Variants in TFCP2 observed in about 807,000 individuals in gnomAD.
TFCP2 encodes the protein alpha-globin transcription factor CP2.
In TFCP2, 33 loss-of-function variants were observed where a neutral mutation model predicts 73.4. That is an observed-to-expected ratio of 0.45 (90% CI 0.34 to 0.60). TFCP2 has a LOEUF of 0.60. Ranked by LOEUF, TFCP2 falls within the 20% of genes least tolerant of loss-of-function variation. TFCP2 has a pLI of 0.01. For missense variants in TFCP2, 352 were observed against 604.0 expected, an observed-to-expected ratio of 0.58 and a Z score of 4.37; for synonymous variants, 193 against 211.6, an observed-to-expected ratio of 0.91 and a Z score of 0.76.
At chr12:51,128,498 A>C (rs80016636) in intron 1 of TFCP2, among the ~76,000 whole-genome samples, 20,942 of 148,520 alleles carry the variant, frequency 0.14, 1,420 homozygotes, top group South Asian at 0.23. Flanking sequence ...AAAAACAAAA[A>C]AAACAAACTA....
intron 1 of TFCP2, among the ~76,000 whole-genome samples, chr12:51,168,477 T>G (rs1941796819): frequency 6.6e-6 from 1 of 152,064 alleles, no homozygotes; most frequent in African/African-American, 2.4e-5. Flanking sequence ...ACTGGTGTTT[T>G]GTTTTGGTTT....
rs779782396 is a variant in TFCP2 at position 51,125,152 on chromosome 12, C to T, written c.123-6380G>A. On this transcript the variant is annotated intron_variant, in intron 1 of 14. Transcript: ENST00000257915. ...AAGATGATGCGCAGTGTGATATTGA[C>T]ATTCTGTAAATCTTTGCTACCAGTG... is the stretch of plus-strand genomic sequence containing the variant. 6.9e-6 allele frequency: 5 copies of T among 729,806 alleles called. No homozygotes were observed. The South Asian group carries it at 7.0e-5, about 10-fold the overall frequency. 45.2% of individuals were successfully genotyped at this position (729,806 alleles called of 1,614,324 possible).
chr12:51,162,200 C>A (rs1941664160), intron 1 of TFCP2, among the ~76,000 whole-genome samples: 1 of 152,002 alleles, frequency 6.6e-6, no homozygotes, highest in Non-Finnish European at 1.5e-5. Context: ...AATCCCAGCA[C>A]TTTGGGAGGC....
intron 12 of TFCP2, 96 bp downstream of exon 12, chr12:51,099,559 C>A: frequency 6.9e-7 from 1 of 1,453,950 alleles, no homozygotes; most frequent in Non-Finnish European, 9.5e-7. Flanking sequence ...CTAGCAAATA[C>A]TAAATCTGCT....
chr12:51,168,638 C>A (rs990494375), intron 1 of TFCP2, among the ~76,000 whole-genome samples: 1 of 151,928 alleles, frequency 6.6e-6, no homozygotes, highest in Non-Finnish European at 1.5e-5. Flanking sequence ...GCAGGCACCA[C>A]CATACTCAGC....
chr12:51,102,527 A>C (rs1364408808), intron 10 of TFCP2, among the ~76,000 whole-genome samples: 3 of 151,974 alleles, frequency 2.0e-5, no homozygotes, highest in Non-Finnish European at 2.9e-5. Context: ...GGAGTTCGAG[A>C]CCAGCCTGGC....
intron 1 of TFCP2, among the ~76,000 whole-genome samples, chr12:51,171,672 C>T (rs1303449857): frequency 6.6e-6 from 1 of 152,220 alleles, no homozygotes; most frequent in Non-Finnish European, 1.5e-5. Context: ...GCCACCGCAC[C>T]CGGCCGAAAG....
intron 1 of TFCP2, among the ~76,000 whole-genome samples, chr12:51,145,291 A>C (rs980694112): frequency 6.6e-6 from 1 of 151,394 alleles, no homozygotes; most frequent in Non-Finnish European, 1.5e-5. Context: ...CTGAAGCAGG[A>C]GAATCGCTTG....
intron 3 of TFCP2, among the ~76,000 whole-genome samples, chr12:51,116,774 C>A (rs150991533): frequency 6.6e-6 from 1 of 152,052 alleles, no homozygotes; most frequent in Non-Finnish European, 1.5e-5. Flanking sequence ...TGTGCTACCA[C>A]GCCTGACTAA....
chr12:51,121,543 GC>G (rs1940674172), intron 1 of TFCP2, among the ~76,000 whole-genome samples: 1 of 140,740 alleles, frequency 7.1e-6, no homozygotes, highest in South Asian at 2.5e-4. Flanking sequence ...TCGGCTCACT[GC>G]AACCTCCACC....
chr12:51,164,370 G>A (rs191822285), intron 1 of TFCP2, among the ~76,000 whole-genome samples: 62 of 152,050 alleles, frequency 4.1e-4, no homozygotes, highest in African/African-American at 1.4e-3. Context: ...AGGCCGAGGC[G>A]GGCAGATCAC....
At position 51,148,695 on chromosome 12, in the gene TFCP2, G is replaced by T. The variant is rs1472327846; in HGVS notation, c.122+23606C>A. Among the ~76,000 whole-genome samples, 117 of 66,564 alleles carry T rather than the reference G, an allele frequency of 1.8e-3. 1 individual carries two copies. The highest frequency in any genetic ancestry group is 7.0e-3 in the African/African-American group (104 of 14,944). The allele number at this position is 66,564 out of a possible 152,430, so 43.7% of individuals were successfully genotyped here. On this transcript the variant is annotated intron_variant, in intron 1 of 14. Coordinates refer to ENST00000257915, the MANE Select transcript of TFCP2 (RefSeq NM_005653.5). ...AGCCTAGGCAACAGAGTGAGACTCT[G>T]TCTCAAAAAAAAAAAAAAAAGAAAA...
intron 1 of TFCP2, among the ~76,000 whole-genome samples, chr12:51,149,616 T>C (rs867547364): frequency 2.0e-5 from 3 of 152,180 alleles, no homozygotes; most frequent in Non-Finnish European, 2.9e-5. Flanking sequence ...TTCTTTTTTT[T>C]CGAGATGGAG....
chr12:51,105,947 A>G (rs920462666), intron 8 of TFCP2, among the ~76,000 whole-genome samples: 9 of 152,240 alleles, frequency 5.9e-5, no homozygotes, highest in African/African-American at 2.2e-4. Flanking sequence ...TGGAGTAGGC[A>G]TCTGTACCAA....
At chr12:51,136,934 A>T (rs1036324893) in intron 1 of TFCP2, among the ~76,000 whole-genome samples, 5 of 151,934 alleles carry the variant, frequency 3.3e-5, no homozygotes, top group Non-Finnish European at 5.9e-5. Flanking sequence ...GACAGAGGAG[A>T]CTCTGTCTCA....
At chr12:51,124,423 C>CT (rs746371798) in intron 1 of TFCP2, among the ~76,000 whole-genome samples, 34 of 148,748 alleles carry the variant, frequency 2.3e-4, no homozygotes, top group Admixed American at 4.7e-4. Flanking sequence ...TCTTCTTCTT[C>CT]TTTTTTTTTT....
intron 1 of TFCP2, among the ~76,000 whole-genome samples, chr12:51,136,864 T>C (rs976733574): frequency 6.6e-6 from 1 of 152,138 alleles, no homozygotes; most frequent in Non-Finnish European, 1.5e-5. Flanking sequence ...GAGAATTGCT[T>C]GAACCCAGAA....
At chr12:51,156,289 T>A (rs1030004332) in intron 1 of TFCP2, among the ~76,000 whole-genome samples, 2 of 150,756 alleles carry the variant, frequency 1.3e-5, no homozygotes, top group Non-Finnish European at 3.0e-5. Context: ...AAACTTTCAA[T>A]CATGGCAGAA....
chr12:51,124,646 CGCG>C, intron 1 of TFCP2: 1 of 569,638 alleles, frequency 1.8e-6, no homozygotes. Flanking sequence ...CGAGAGCCTC[CGCG>C]GCTTCCAACT....
Sources: allele counts gnomAD v4.1 joint callset (sites outside exome capture counted in the v4.1 genomes callset), GRCh38; gene constraint gnomAD v4.1.1; transcripts MANE v1.5; gene names NCBI Gene and HGNC (gene_info 2026-07-23, HGNC 2026-07-21).